The following SORCS1 variants were observed in gnomAD, a reference collection of about 807,000 sequenced individuals.
The protein encoded by SORCS1 is sortilin related VPS10 domain containing receptor 1, also known as VPS10 domain-containing receptor SorCS1.
In SORCS1, 60 loss-of-function variants were observed where a neutral mutation model predicts 146.1. The observed-to-expected ratio is 0.41, with a 90% CI of 0.33 to 0.51. The LOEUF (loss-of-function observed/expected upper bound fraction) is 0.51, where lower values mean the gene tolerates loss of function less well. Ranked by LOEUF, SORCS1 falls within the 20% of genes least tolerant of loss-of-function variation. The probability of loss-of-function intolerance (pLI) is 0.21; values close to 1 mark genes in which losing one functional copy is unlikely to be tolerated. For missense variants in SORCS1, 1,352 were observed against 1,487.6 expected (o/e 0.91, Z 1.50); for synonymous variants, 637 against 584.0 (o/e 1.09, Z -1.31).
chr10:106,688,689 C>A (rs569926592), intron 9 of SORCS1, among the ~76,000 whole-genome samples: 40 of 152,232 alleles, frequency 2.6e-4, no homozygotes, highest in African/African-American at 9.6e-4. Flanking sequence ...GGGGCTACTT[C>A]TATTGTATGC....
At chr10:106,617,502 A>T (rs893598651) in intron 21 of SORCS1, among the ~76,000 whole-genome samples, 2 of 139,152 alleles carry the variant, frequency 1.4e-5, no homozygotes, top group African/African-American at 2.9e-5. Flanking sequence ...CAATCCATCA[A>T]GTATTTTTTT....
At chr10:106,699,850 T>C (rs1854001997) in intron 8 of SORCS1, among the ~76,000 whole-genome samples, 2 of 152,172 alleles carry the variant, frequency 1.3e-5, no homozygotes, top group South Asian at 4.2e-4. Context: ...GGACATCACC[T>C]GGAAGCTTAT....
chr10:106,663,104 T>G (rs1850859890), intron 17 of SORCS1, among the ~76,000 whole-genome samples: 1 of 152,198 alleles, frequency 6.6e-6, no homozygotes. Flanking sequence ...GCAGCATTAT[T>G]TATAGTGGCA....
intron 9 of SORCS1, among the ~76,000 whole-genome samples, chr10:106,689,246 C>T (rs821934): frequency 0.84 from 127,151 of 152,172 alleles, 54,416 homozygotes; most frequent in Non-Finnish European, 0.94. Flanking sequence ...TTGTGCATTA[C>T]ATTTTTCTTG....
chr10:106,713,429 T>G (rs1855138783), intron 6 of SORCS1, among the ~76,000 whole-genome samples: 1 of 149,576 alleles, frequency 6.7e-6, no homozygotes, highest in East Asian at 1.9e-4. Flanking sequence ...TAGTGTCTGA[T>G]GGCTCTTTTC....
Position 106,598,236 on chromosome 10 carries a change from A to ATATTATTATTATTAT in SORCS1, c.3166-801_3166-787dup, listed in dbSNP as rs10579142. On this transcript the variant is annotated intron_variant, in intron 23 of 25. Transcript: ENST00000263054. ...TTACGGGGATAACAACACTCCTATTATATTATTATTATTATTATTATTATT... is the reference window on the plus strand; with the variant it reads ...TTACGGGGATAACAACACTCCTATTATATTATTATTATTATTATTATTATTATTATTATTATTATT... 3.1e-3 allele frequency among the ~76,000 whole-genome samples: 437 copies of ATATTATTATTATTAT among 140,474 alleles called. 4 individuals are homozygous for ATATTATTATTATTAT. The highest frequency in any genetic ancestry group is 8.8e-3 in the African/African-American group (332 of 37,894). The allele number at this position is 140,474 out of a possible 152,430, so 92.2% of individuals were successfully genotyped here.
chr10:107,158,703 G>C (rs999345770), intron 1 of SORCS1, among the ~76,000 whole-genome samples: 4 of 152,172 alleles, frequency 2.6e-5, no homozygotes, highest in Admixed American at 2.0e-4. Context: ...CCCTATGCCA[G>C]TGAATGACAA....
At chr10:107,096,731 C>G (rs1424831497) in intron 1 of SORCS1, among the ~76,000 whole-genome samples, 1 of 152,066 alleles carries the variant, frequency 6.6e-6, no homozygotes, top group Non-Finnish European at 1.5e-5. Flanking sequence ...AGGCTGGTCT[C>G]GAACTCCTGA....
At chr10:107,056,904 C>G (rs972831580) in intron 1 of SORCS1, among the ~76,000 whole-genome samples, 8 of 152,172 alleles carry the variant, frequency 5.3e-5, no homozygotes, top group Admixed American at 5.2e-4. Flanking sequence ...ACAATTTAAG[C>G]TGAGTTTATG....
At chr10:107,125,644 G>A (rs1966672504) in intron 1 of SORCS1, among the ~76,000 whole-genome samples, 1 of 152,180 alleles carries the variant, frequency 6.6e-6, no homozygotes, top group African/African-American at 2.4e-5. Context: ...GTGAAATAAG[G>A]GGGAAAACAG....
At chr10:107,045,094 T>C (rs151087026) in intron 1 of SORCS1, among the ~76,000 whole-genome samples, 11 of 152,290 alleles carry the variant, frequency 7.2e-5, no homozygotes, top group African/African-American at 1.4e-4. Context: ...GACCGTATTA[T>C]GAAGGACCAT....
At chr10:107,072,351 T>C (rs1219010916) in intron 1 of SORCS1, among the ~76,000 whole-genome samples, 2 of 152,174 alleles carry the variant, frequency 1.3e-5, no homozygotes, top group African/African-American at 4.8e-5. Context: ...ATGAAAAGTC[T>C]CTAGATTTTG....
intron 5 of SORCS1, among the ~76,000 whole-genome samples, chr10:106,734,037 A>T (rs1856787428): frequency 6.6e-6 from 1 of 152,104 alleles, no homozygotes; most frequent in African/African-American, 2.4e-5. Context: ...ACCAGTCAAT[A>T]TTTACTAACA....
chr10:106,691,530 G>T (rs767981084), intron 9 of SORCS1, among the ~76,000 whole-genome samples: 19 of 152,154 alleles, frequency 1.2e-4, no homozygotes, highest in Non-Finnish European at 5.9e-5. Flanking sequence ...TAAATATGAA[G>T]TGTTATAGCT....
intron 2 of SORCS1, among the ~76,000 whole-genome samples, chr10:106,939,193 G>T (rs151073490): frequency 6.6e-6 from 1 of 152,182 alleles, no homozygotes; most frequent in Non-Finnish European, 1.5e-5. Context: ...AAAGATTTCC[G>T]GACATTTCCC....
intron 2 of SORCS1, among the ~76,000 whole-genome samples, chr10:106,934,342 C>T (rs952297957): frequency 6.6e-6 from 1 of 151,942 alleles, no homozygotes; most frequent in Admixed American, 6.6e-5. Flanking sequence ...ACTGCGAGCT[C>T]GGTCTCCGGG....
At chr10:107,075,382 G>A (rs538779927) in intron 1 of SORCS1, among the ~76,000 whole-genome samples, 52 of 152,234 alleles carry the variant, frequency 3.4e-4, no homozygotes, top group African/African-American at 1.2e-3. Flanking sequence ...GGTCTTCTAT[G>A]ATGCAGTTTA....
chr10:107,033,195 A>C (rs1336247401), intron 1 of SORCS1, among the ~76,000 whole-genome samples: 1 of 152,134 alleles, frequency 6.6e-6, no homozygotes, highest in Non-Finnish European at 1.5e-5. Context: ...CGCAGAAGGG[A>C]AGTGCCACAC....
intron 5 of SORCS1, among the ~76,000 whole-genome samples, chr10:106,745,517 T>C (rs975580767): frequency 6.6e-6 from 1 of 152,314 alleles, no homozygotes; most frequent in East Asian, 1.9e-4. Context: ...ATAATTGCTG[T>C]AGGCAAGATT....
Sources: gnomAD v4.1 joint callset for allele counts (sites outside exome capture counted in the v4.1 genomes callset) on GRCh38, gnomAD v4.1.1 for gene constraint, MANE v1.5 for transcripts, NCBI Gene and HGNC (gene_info 2026-07-23, HGNC 2026-07-21) for gene names.